WASHC5: variants seen among roughly 807,000 people sequenced by gnomAD.
WASHC5 encodes WASH complex subunit 5, also known as WASH complex subunit strumpellin.
WASHC5 carries 101 observed loss-of-function variants against 150.4 expected under a neutral mutation model. That is an observed-to-expected ratio of 0.67 (90% CI 0.57 to 0.79). The LOEUF is 0.79. Ranked by LOEUF, WASHC5 falls within the 30% of genes least tolerant of loss-of-function variation. WASHC5 has a pLI of 0.00. For synonymous variants in WASHC5, 467 were observed against 491.2 expected (o/e 0.95, Z 0.65); for missense variants, 1,195 against 1,396.3 (o/e 0.86, Z 2.30).
At position 125,083,846 on chromosome 8, in the gene WASHC5, A is replaced by T. The variant is rs752444456; in HGVS notation, c.53T>A (p.Ile18Asn). ...AATGATGGCATTACCACAGGAAACAATCCTTAGGATTGCTTGGCCACAGAG... is the reference window on the plus strand; with the variant it reads ...AATGATGGCATTACCACAGGAAACATTCCTTAGGATTGCTTGGCCACAGAG... ...NNLCGQAILR[I>N]VSCGNAIIAE... Residue 18 changes from isoleucine (I) to asparagine (N), a missense_variant, in exon 2 of 29, where the codon ATT becomes AAT. This residue lies in a region of WASHC5 where 195 missense variants were observed against 206.9 expected (regional missense o/e 0.94). Coordinates refer to ENST00000318410, the MANE Select transcript of WASHC5 (RefSeq NM_014846.4). The T allele has an allele frequency of 6.2e-7, 1 of 1,614,052 alleles. No individual in the cohort carries two copies. The highest frequency in any genetic ancestry group is 8.5e-7 in the Non-Finnish European group (1 of 1,179,966).
chr8:125,047,379 C>G, intron 19 of WASHC5, 48 bp from the exon 20 acceptor site: 1 of 1,540,420 alleles, frequency 6.5e-7, no homozygotes, highest in Non-Finnish European at 9.0e-7. Flanking sequence ...ATAAGATAAC[C>G]TAGTTATCCC....
Position 125,032,318 on chromosome 8 carries a change from C to T in WASHC5, c.3258G>A (p.Gln1086=), listed in dbSNP as rs1239445411. The change falls in exon 27 of 29, where the codon CAG becomes CAA. Residue 1086 remains glutamine (Q), a synonymous_variant. Transcript: ENST00000318410. ...ACTGCTCGGTGTACCGGGAATGGAA[C>T]TGCTTCAGCAGAGTGAGCAGTCCCA... is the stretch of plus-strand genomic sequence containing the variant. ...LVLGLLTLLK[Q]FHSRYTEQFL... is the part of the protein sequence containing the mutation. The T allele has an allele frequency of 5.0e-6, 8 of 1,614,084 alleles. No homozygotes were observed. Among genetic ancestry groups the T allele is most frequent in the Non-Finnish European group, 4.2e-6 (5 of 1,180,040 alleles).
chr8:125,026,208 C>G (rs1815376065), intron 28 of WASHC5, among the ~76,000 whole-genome samples: 2 of 152,260 alleles, frequency 1.3e-5, no homozygotes, highest in South Asian at 4.1e-4. Context: ...TCCCTTGAAT[C>G]CGAAGGTTTG....
intron 26 of WASHC5, among the ~76,000 whole-genome samples, chr8:125,033,412 A>G (rs191323980): frequency 7.9e-4 from 121 of 152,352 alleles, no homozygotes; most frequent in Admixed American, 1.6e-3. Context: ...TGGGGGAACG[A>G]CAAACCTTGA....
intron 10 of WASHC5, among the ~76,000 whole-genome samples, chr8:125,065,649 G>T (rs1190228847): frequency 1.4e-5 from 2 of 143,528 alleles, no homozygotes; most frequent in African/African-American, 5.2e-5. Context: ...GCAGAGTCTT[G>T]CTCTGTTGCC....
chr8:125,047,139 A>G, intron 20 of WASHC5, 68 bp downstream of exon 20: 1 of 1,581,788 alleles, frequency 6.3e-7, no homozygotes, highest in Non-Finnish European at 8.7e-7. Context: ...GGGCTGTGCC[A>G]CAGGGCCACA....
chr8:125,049,781 C>T (rs1221163714), intron 18 of WASHC5, among the ~76,000 whole-genome samples: 1 of 151,974 alleles, frequency 6.6e-6, no homozygotes, highest in Non-Finnish European at 1.5e-5. Flanking sequence ...GCAGAGGTTG[C>T]AGTGAATCGA....
In WASHC5 at chr8:125,076,465, T is replaced by C. The variant is rs1817063844; in HGVS notation, c.747A>G (p.Thr249=). ...SAYPLPEHRS[T]ALANQAAMLY... Reference sequence around the variant, plus strand: ...GCATGGCAGCTTGGTTTGCCAGGGCTGTGCTGCGATGCTCCGGCAAAGGAT... The same window carrying C: ...GCATGGCAGCTTGGTTTGCCAGGGCCGTGCTGCGATGCTCCGGCAAAGGAT... Residue 249 remains threonine (T), a synonymous_variant, in exon 7 of 29, where the codon ACA becomes ACG. Transcript: ENST00000318410. The C allele has an allele frequency of 1.9e-6, 3 of 1,613,952 alleles. No homozygotes were observed. Among genetic ancestry groups the C allele is most frequent in the Non-Finnish European group, 2.5e-6 (3 of 1,179,974 alleles).
intron 17 of WASHC5, among the ~76,000 whole-genome samples, chr8:125,051,932 T>G (rs1238877244): frequency 6.6e-6 from 1 of 152,174 alleles, no homozygotes; most frequent in African/African-American, 2.4e-5. Context: ...TGGGCAAATC[T>G]AAGCTATAGT....
At chr8:125,060,145 C>G (rs1439757156) in intron 12 of WASHC5, among the ~76,000 whole-genome samples, 1 of 152,142 alleles carries the variant, frequency 6.6e-6, no homozygotes. Flanking sequence ...AATATATAAT[C>G]ATACCAATTG....
intron 18 of WASHC5, 81 bp downstream of exon 18, chr8:125,050,483 G>A (rs1816206598): frequency 1.4e-5 from 13 of 915,206 alleles, no homozygotes; most frequent in African/African-American, 3.2e-5. Flanking sequence ...GGTCTTGTTC[G>A]CGATAGGTTA....
chr8:125,045,588 T>A (rs1056731258), intron 20 of WASHC5, among the ~76,000 whole-genome samples: 1 of 152,184 alleles, frequency 6.6e-6, no homozygotes, highest in African/African-American at 2.4e-5. Context: ...GCTCCACAGA[T>A]GACATATCCT....
chr8:125,029,765 C>T (rs150099895), intron 27 of WASHC5, among the ~76,000 whole-genome samples: 8 of 152,264 alleles, frequency 5.3e-5, no homozygotes, highest in African/African-American at 1.7e-4. Flanking sequence ...GGTGTTAAAA[C>T]GATTTCCAAT....
intron 24 of WASHC5, 75 bp downstream of exon 24, chr8:125,039,720 A>C (rs745705899): frequency 9.3e-5 from 91 of 974,930 alleles, no homozygotes; most frequent in Non-Finnish European, 1.4e-4. Context: ...AAAGAGTAAG[A>C]ACTGAAGAAA....
rs761135559 is a variant in WASHC5, at chr8:125,043,997, A to G, written c.2765T>C (p.Ile922Thr). Residue 922 changes from isoleucine (I) to threonine (T), a missense_variant, in exon 22 of 29, where the codon ATT becomes ACT. Physicochemically the swap from Ile to Thr is moderately conservative, Grantham distance 89 (BLOSUM62 -1). This residue lies in a region of WASHC5 where 997 missense variants were observed against 1,168.1 expected (regional missense o/e 0.85). Transcript: ENST00000318410. ...LMNAVSPLKS[I>T]VANSNKIYFS... ...GGTAGTTTCAGGACACTCACCGACAATACTTTTTAGGGGACTGACAGCATT... is the reference window on the plus strand; with the variant it reads ...GGTAGTTTCAGGACACTCACCGACAGTACTTTTTAGGGGACTGACAGCATT... 6.2e-7 allele frequency: 1 copy of G among 1,611,656 alleles called. No individual in the cohort carries two copies. The highest frequency in any genetic ancestry group is 8.5e-7 in the Non-Finnish European group (1 of 1,177,848).
At chr8:125,041,940 T>C (rs1815901560) in intron 23 of WASHC5, among the ~76,000 whole-genome samples, 2 of 152,196 alleles carry the variant, frequency 1.3e-5, no homozygotes, top group Admixed American at 1.3e-4. Flanking sequence ...ATCTGGCCCA[T>C]ATAATTCTTT....
intron 28 of WASHC5, 109 bp downstream of exon 28, chr8:125,028,511 G>A (rs1227875157): frequency 9.5e-6 from 7 of 739,646 alleles, no homozygotes; most frequent in African/African-American, 1.7e-5. Flanking sequence ...AGGCGCAGAG[G>A]CATCTACTGT....
In WASHC5 at chr8:125,078,903, A is replaced by T; in HGVS notation, c.546T>A (p.Asn182Lys). ...GAAGCAGCTTACAAATATCGTCCAT[A>T]TTTGAATCAGCAGAAGATCGAGCAG... ...YSAARSSADSNMDDICKLLRS... is the reference protein window; with the variant it reads ...YSAARSSADSKMDDICKLLRS... The change falls in exon 6 of 29, where the codon AAT (asparagine) becomes AAA (lysine). Residue 182 changes from asparagine (N) to lysine (K), a missense_variant. Physicochemically the swap from Asn to Lys is moderately conservative, Grantham distance 94. Around this residue, in one of 3 missense-constraint regions of WASHC5, gnomAD observed 195 missense variants for 206.9 expected, o/e 0.94. Coordinates refer to ENST00000318410, the MANE Select transcript of WASHC5 (RefSeq NM_014846.4). 6.2e-7 allele frequency: 1 copy of T among 1,613,894 alleles called. No individual in the cohort carries two copies.
intron 17 of WASHC5, among the ~76,000 whole-genome samples, chr8:125,055,209 A>C (rs1816370508): frequency 6.6e-6 from 1 of 152,166 alleles, no homozygotes; most frequent in Non-Finnish European, 1.5e-5. Context: ...GGATCACTTG[A>C]GGTCAGGAGT....
Sources: gnomAD v4.1 joint callset for allele counts (sites outside exome capture counted in the v4.1 genomes callset) on GRCh38, gnomAD v4.1.1 for gene constraint, gnomAD v4.1.1 regional missense constraint, MANE v1.5 for transcripts, NCBI Gene and HGNC (gene_info 2026-07-23, HGNC 2026-07-21) for gene names.